The following CNTNAP5 variants were observed in gnomAD, a reference collection of about 807,000 sequenced individuals.
CNTNAP5 encodes contactin associated protein family member 5.
In CNTNAP5, 72 loss-of-function variants were observed where a neutral mutation model predicts 150.2. The observed-to-expected ratio is 0.48, with a 90% confidence interval of 0.40 to 0.58. CNTNAP5 has a LOEUF of 0.58. Among genes scored for constraint, CNTNAP5 ranks in the 20% least tolerant of loss-of-function variants. The probability of loss-of-function intolerance (pLI) is 0.00; values close to 1 mark genes in which losing one functional copy is unlikely to be tolerated. For synonymous variants in CNTNAP5, 672 were observed against 619.8 expected (o/e 1.08, Z -1.25); for missense variants, 1,636 against 1,626.2 (o/e 1.01, Z -0.10).
intron 1 of CNTNAP5, among the ~76,000 whole-genome samples, chr2:124,202,865 C>A (rs1192517236): frequency 1.3e-5 from 2 of 152,094 alleles, no homozygotes; most frequent in African/African-American, 4.8e-5. Flanking sequence ...ATGGGAGCTA[C>A]AATTCAAGAC....
intron 1 of CNTNAP5, among the ~76,000 whole-genome samples, chr2:124,218,298 G>C (rs992552659): frequency 6.6e-6 from 1 of 152,040 alleles, no homozygotes; most frequent in Non-Finnish European, 1.5e-5. Context: ...TTCCATTCCC[G>C]TTTACTAGGC....
intron 6 of CNTNAP5, among the ~76,000 whole-genome samples, chr2:124,473,264 G>A (rs1346608394): frequency 8.4e-6 from 1 of 119,444 alleles, no homozygotes; most frequent in Non-Finnish European, 1.9e-5. Context: ...TTCTTGGAAA[G>A]AAAAATCAAA....
Position 124,920,151 on chromosome 2 carries a change from C to T in CNTNAP5, c.*5863C>T, listed in dbSNP as rs1389472991. The stretch of plus-strand genomic sequence containing the variant: ...ACAAAATTAGGAGATTAGTCCCAAG[C>T]CAAGACCAAAGGTGAAGATAATTGT... On this transcript the variant is annotated 3_prime_UTR_variant, in exon 24 of 24. Transcript: ENST00000682447. 1.3e-5 allele frequency among the ~76,000 whole-genome samples: 2 copies of T among 152,058 alleles called. No homozygotes were observed. The highest frequency in any genetic ancestry group is 2.4e-5 in the African/African-American group (1 of 41,416).
At chr2:124,760,951 A>G (rs1680943137) in intron 14 of CNTNAP5, among the ~76,000 whole-genome samples, 1 of 152,124 alleles carries the variant, frequency 6.6e-6, no homozygotes, top group Non-Finnish European at 1.5e-5. Context: ...CTGATGTTAT[A>G]CAACTAGGGT....
At chr2:124,751,222 G>A (rs140666677) in intron 14 of CNTNAP5, among the ~76,000 whole-genome samples, 132 of 152,056 alleles carry the variant, frequency 8.7e-4, no homozygotes, top group African/African-American at 3.1e-3. Context: ...GTAGGGGTTG[G>A]GGGTAGGGGG....
intron 3 of CNTNAP5, among the ~76,000 whole-genome samples, chr2:124,330,238 G>A (rs1689316619): frequency 6.6e-6 from 1 of 152,068 alleles, no homozygotes; most frequent in Admixed American, 6.6e-5. Context: ...TACTCATATT[G>A]GAAGATATAA....
At chr2:124,856,969 C>T (rs1272821913) in intron 19 of CNTNAP5, among the ~76,000 whole-genome samples, 2 of 152,154 alleles carry the variant, frequency 1.3e-5, no homozygotes, top group Non-Finnish European at 2.9e-5. Context: ...GGTTTCTGGG[C>T]TGTGGCTCAT....
At chr2:124,124,887 C>T (rs901550997) in intron 1 of CNTNAP5, among the ~76,000 whole-genome samples, 4 of 152,160 alleles carry the variant, frequency 2.6e-5, no homozygotes, top group Non-Finnish European at 4.4e-5. Flanking sequence ...ACCACCAGGC[C>T]TGCCCTACAA....
At chr2:124,578,928 A>T (rs561106734) in intron 11 of CNTNAP5, among the ~76,000 whole-genome samples, 33 of 152,178 alleles carry the variant, frequency 2.2e-4, no homozygotes, top group Non-Finnish European at 3.2e-4. Flanking sequence ...TTATGCCTCT[A>T]TGAAAGATAG....
intron 3 of CNTNAP5, among the ~76,000 whole-genome samples, chr2:124,391,997 C>T (rs1050730607): frequency 4.6e-5 from 7 of 152,020 alleles, no homozygotes; most frequent in African/African-American, 1.7e-4. Context: ...AGAGCAGGCA[C>T]TGAGAATGAC....
intron 1 of CNTNAP5, among the ~76,000 whole-genome samples, chr2:124,200,118 C>T (rs1041367605): frequency 6.6e-6 from 1 of 152,052 alleles, no homozygotes; most frequent in Non-Finnish European, 1.5e-5. Context: ...GCATAGACAC[C>T]CTTCCAATCC....
rs34024635 is a variant in CNTNAP5, at chr2:124,735,428, CT to C, written c.2078-11789del. ...TATTAGAACAATTATTTCTACAAGA[CT>C]TTTTTTTTTTTGCTTTTCTGTTAAT... On this transcript the variant is annotated intron_variant, in intron 13 of 23. Transcript: ENST00000682447. 8.7e-4 allele frequency among the ~76,000 whole-genome samples: 128 copies of C among 146,806 alleles called. No homozygotes were observed. In the Middle Eastern group the frequency reaches 0.011, roughly 12 times the overall value.
In CNTNAP5 at chr2:124,759,444, A is replaced by G. The variant is rs956724131; in HGVS notation, c.2235-4228A>G. On this transcript the variant is annotated intron_variant, in intron 14 of 23. Transcript: ENST00000682447. ...TATATATATATATAATGGCACCACT[A>G]ATTGTTTCTTTCTTTGTATTGAGGG... Among the ~76,000 whole-genome samples the G allele has an allele frequency of 4.1e-4, 60 of 146,488 alleles. 1 individual carries two copies. The East Asian group carries it at 9.9e-3, about 24-fold the overall frequency.
chr2:124,512,584 G>T (rs143145691), intron 8 of CNTNAP5, among the ~76,000 whole-genome samples: 1 of 152,240 alleles, frequency 6.6e-6, no homozygotes, highest in African/African-American at 2.4e-5. Context: ...CTTATCGGAG[G>T]TGCCATCTCA....
intron 21 of CNTNAP5, among the ~76,000 whole-genome samples, chr2:124,878,960 G>A (rs1473325943): frequency 1.3e-5 from 2 of 152,042 alleles, no homozygotes; most frequent in Non-Finnish European, 2.9e-5. Context: ...TGGGATTACA[G>A]GCATGAGCCA....
chr2:124,793,964 T>A (rs1681790909), intron 18 of CNTNAP5, among the ~76,000 whole-genome samples: 1 of 152,206 alleles, frequency 6.6e-6, no homozygotes, highest in Non-Finnish European at 1.5e-5. Context: ...TCAAAAATAA[T>A]CATTAATAGG....
intron 3 of CNTNAP5, among the ~76,000 whole-genome samples, chr2:124,276,882 T>A (rs1687895498): frequency 6.6e-6 from 1 of 152,142 alleles, no homozygotes; most frequent in Non-Finnish European, 1.5e-5. Context: ...CTGAAGGCTG[T>A]TATTTTGGCA....
rs1694357499 is a variant in CNTNAP5 at position 124,504,541 on chromosome 2, G to A, written c.1312G>A (p.Ala438Thr). The change falls in exon 8 of 24, where the codon GCT becomes ACT. Residue 438 changes from alanine to threonine, a missense_variant. Ala to Thr is a moderately conservative substitution (Grantham distance 58, BLOSUM62 0). Coordinates refer to ENST00000682447, the MANE Select transcript of CNTNAP5 (RefSeq NM_001367498.1). ...LVIQKMTERV[A>T]EILTGSNLND... ...GATTCAGAAAATGACAGAACGCGTA[G>A]CTGAAATCCTCACAGGTACTGTCTG... is the stretch of plus-strand genomic sequence containing the variant. 6.2e-7 allele frequency: 1 copy of A among 1,613,636 alleles called. No homozygotes were observed.
At chr2:124,371,015 C>T (rs1170649755) in intron 3 of CNTNAP5, among the ~76,000 whole-genome samples, 7 of 151,970 alleles carry the variant, frequency 4.6e-5, no homozygotes, top group Admixed American at 1.3e-4. Flanking sequence ...GAAAGCTTAG[C>T]GGAGACTGTT....
Sources: allele counts gnomAD v4.1 joint callset (sites outside exome capture counted in the v4.1 genomes callset), GRCh38; gene constraint gnomAD v4.1.1; transcripts MANE v1.5; gene names NCBI Gene and HGNC (gene_info 2026-07-23, HGNC 2026-07-21).